Variants in CREG2 observed in about 807,000 individuals in gnomAD.
CREG2 encodes protein CREG2.
In CREG2, 24 loss-of-function variants were observed where a neutral mutation model predicts 26.2. The ratio of observed to expected loss-of-function variants is 0.92; its 90% confidence interval spans 0.66 to 1.29. The LOEUF is 1.29. Ranked by LOEUF, CREG2 falls within the 50% of genes most tolerant of loss-of-function variation. The pLI is 0.00. For missense variants in CREG2, 366 were observed against 398.6 expected, an observed-to-expected ratio of 0.92 and a Z score of 0.70; for synonymous variants, 174 against 169.2, an observed-to-expected ratio of 1.03 and a Z score of -0.22.
intron 3 of CREG2, among the ~76,000 whole-genome samples, chr2:101,351,715 G>A (rs1225596250): frequency 6.6e-6 from 1 of 152,022 alleles, no homozygotes; most frequent in Non-Finnish European, 1.5e-5. Context: ...CCCTAAACAC[G>A]CTGCAGTATC....
At chr2:101,357,000 C>T (rs962658108) in intron 2 of CREG2, among the ~76,000 whole-genome samples, 2 of 152,108 alleles carry the variant, frequency 1.3e-5, no homozygotes, top group Non-Finnish European at 2.9e-5. Flanking sequence ...AGCAATTCTC[C>T]TGCCCCAATC....
chr2:101,384,464 G>A (rs1684932516), intron 1 of CREG2, among the ~76,000 whole-genome samples: 1 of 152,170 alleles, frequency 6.6e-6, no homozygotes, highest in African/African-American at 2.4e-5. Context: ...GGGAGGCCAA[G>A]TGGGAAGGGT....
chr2:101,345,918 C>T lies in CREG2; in HGVS notation c.*5005G>A, dbSNP rs957102256. The T allele has an allele frequency of 6.6e-6, 1 of 150,976 alleles. No homozygotes were observed. Among genetic ancestry groups the T allele is most frequent in the Non-Finnish European group, 1.5e-5 (1 of 67,878 alleles). The allele number at this position is 150,976 out of a possible 1,614,324, so 9.4% of individuals were successfully genotyped here. A position where few individuals can be genotyped will look rare whatever the true frequency, so the allele number is the denominator to read the frequency against. ...ACAGCTCAGGAGGTCAAACTCCTGG[C>T]CTCAAAGCAATCCTCCCACCTCAGC... On this transcript the variant is annotated 3_prime_UTR_variant, in exon 4 of 4. Transcript: ENST00000324768.
intron 3 of CREG2, among the ~76,000 whole-genome samples, chr2:101,353,622 C>T (rs926820137): frequency 6.6e-6 from 1 of 152,092 alleles, no homozygotes; most frequent in Non-Finnish European, 1.5e-5. Context: ...GGGCATATAC[C>T]CAAAGGATTA....
intron 1 of CREG2, among the ~76,000 whole-genome samples, chr2:101,384,256 A>G (rs1282757080): frequency 6.6e-6 from 1 of 152,194 alleles, no homozygotes; most frequent in Non-Finnish European, 1.5e-5. Flanking sequence ...TTTTATTGTA[A>G]TCAATAATAT....
At chr2:101,370,704 C>T (rs1684690538) in intron 2 of CREG2, among the ~76,000 whole-genome samples, 2 of 152,140 alleles carry the variant, frequency 1.3e-5, no homozygotes, top group Non-Finnish European at 2.9e-5. Context: ...AGGTGGCTCT[C>T]CTGGGCTCAG....
chr2:101,382,363 T>G (rs1036104597), intron 2 of CREG2: 27 of 387,334 alleles, frequency 7.0e-5, no homozygotes, highest in Non-Finnish European at 8.1e-5. Context: ...AGGTTCACGG[T>G]TGCAGTGAAC....
At chr2:101,357,635 A>G (rs1241909180) in intron 2 of CREG2, among the ~76,000 whole-genome samples, 1 of 152,124 alleles carries the variant, frequency 6.6e-6, no homozygotes, top group Non-Finnish European at 1.5e-5. Context: ...CTGCTGTAGT[A>G]AGATTTGTTA....
Position 101,347,464 on chromosome 2 carries a change from A to G in CREG2, c.*3459T>C, listed in dbSNP as rs1684323852. ...TGTATGACTGACCCGGTTTATCTGC[A>G]TCCTTGTCAGCGTTTGGTGTTATCA... On this transcript the variant is annotated 3_prime_UTR_variant, in exon 4 of 4. Coordinates refer to ENST00000324768, the MANE Select transcript of CREG2 (RefSeq NM_153836.4). 6.6e-6 allele frequency: 1 copy of G among 152,146 alleles called. No individual in the cohort carries two copies. The highest frequency in any genetic ancestry group is 2.4e-5 in the African/African-American group (1 of 41,440). The allele number at this position is 152,146 out of a possible 1,614,324, so 9.4% of individuals were successfully genotyped here.
At chr2:101,374,984 C>T (rs183679699) in intron 2 of CREG2, among the ~76,000 whole-genome samples, 4 of 152,158 alleles carry the variant, frequency 2.6e-5, no homozygotes, top group Non-Finnish European at 5.9e-5. Flanking sequence ...CAAACTGACC[C>T]GCCTGCTGAC....
intron 2 of CREG2, among the ~76,000 whole-genome samples, chr2:101,366,751 G>C (rs1684622911): frequency 6.6e-6 from 1 of 152,144 alleles, no homozygotes; most frequent in African/African-American, 2.4e-5. Flanking sequence ...GAACCCAGGA[G>C]ATGGAGGTTG....
chr2:101,347,315 A>T lies in CREG2; in HGVS notation c.*3608T>A, dbSNP rs900487960. ...CAAGTTTTTGTGTGAACCTCTTTTC[A>T]TTTCTCTTGTATAAATGCCCAGGAG... On this transcript the variant is annotated 3_prime_UTR_variant, in exon 4 of 4. Coordinates refer to ENST00000324768, the MANE Select transcript of CREG2 (RefSeq NM_153836.4). 6.6e-6 allele frequency: 1 copy of T among 152,128 alleles called. No individual in the cohort carries two copies. Among genetic ancestry groups the T allele is most frequent in the African/African-American group, 2.4e-5 (1 of 41,412 alleles). The allele number at this position is 152,128 out of a possible 1,614,324, so 9.4% of individuals were successfully genotyped here. A position where few individuals can be genotyped will look rare whatever the true frequency, so the allele number is the denominator to read the frequency against.
At chr2:101,371,139 T>C (rs1684700123) in intron 2 of CREG2, among the ~76,000 whole-genome samples, 2 of 152,068 alleles carry the variant, frequency 1.3e-5, no homozygotes, top group African/African-American at 4.8e-5. Flanking sequence ...CCCTGCCCCC[T>C]CCCCGTAGAG....
intron 1 of CREG2, among the ~76,000 whole-genome samples, chr2:101,385,369 C>T (rs916479095): frequency 7.2e-5 from 11 of 151,954 alleles, no homozygotes; most frequent in African/African-American, 2.7e-4. Flanking sequence ...TTAGTAGAGA[C>T]AGGGTTTCAC....
chr2:101,376,632 G>A (rs1684795296), intron 2 of CREG2, among the ~76,000 whole-genome samples: 1 of 152,104 alleles, frequency 6.6e-6, no homozygotes, highest in African/African-American at 2.4e-5. Context: ...CCCAAAAATT[G>A]TGAGACCGAG....
At chr2:101,364,602 T>C (rs1684593617) in intron 2 of CREG2, among the ~76,000 whole-genome samples, 1 of 152,166 alleles carries the variant, frequency 6.6e-6, no homozygotes, top group Non-Finnish European at 1.5e-5. Flanking sequence ...GTTTGTTCTT[T>C]AAAAAAGGGC....
rs1201688618 is a variant in CREG2, at chr2:101,349,698, G to A, written c.*1225C>T. The A allele has an allele frequency of 6.6e-6, 1 of 151,334 alleles. No individual in the cohort carries two copies. The highest frequency in any genetic ancestry group is 2.4e-5 in the African/African-American group (1 of 41,168). 9.4% of individuals were successfully genotyped at this position (151,334 alleles called of 1,614,324 possible). The stretch of plus-strand genomic sequence containing the variant: ...CACTAGGAGCTCCTACATATAATAT[G>A]TAGAAAGTTTTAAATCTGTAGTAAG... On this transcript the variant is annotated 3_prime_UTR_variant, in exon 4 of 4. Coordinates refer to ENST00000324768, the MANE Select transcript of CREG2 (RefSeq NM_153836.4).
chr2:101,357,534 G>A (rs1684479353), intron 2 of CREG2, among the ~76,000 whole-genome samples: 1 of 152,170 alleles, frequency 6.6e-6, no homozygotes, highest in Non-Finnish European at 1.5e-5. Flanking sequence ...ATGGTTCAAG[G>A]ATGAGGCAGC....
chr2:101,377,639 G>C (rs972102868), intron 2 of CREG2, among the ~76,000 whole-genome samples: 4 of 152,146 alleles, frequency 2.6e-5, no homozygotes, highest in Non-Finnish European at 5.9e-5. Flanking sequence ...AGAGGAGAGG[G>C]CGTTGCTGAT....
Sources: gnomAD v4.1 joint callset for allele counts (sites outside exome capture counted in the v4.1 genomes callset) on GRCh38, gnomAD v4.1.1 for gene constraint, MANE v1.5 for transcripts, NCBI Gene and HGNC (gene_info 2026-07-23, HGNC 2026-07-21) for gene names.